DNAI2: variants seen among roughly 807,000 people sequenced by gnomAD.
DNAI2 encodes the protein dynein, axonemal, intermediate polypeptide 2.
In DNAI2, 63 loss-of-function variants were observed where a neutral mutation model predicts 74.7. That is an observed-to-expected ratio of 0.84 (90% CI 0.69 to 1.04). The LOEUF (loss-of-function observed/expected upper bound fraction) is 1.04, where lower values mean the gene tolerates loss of function less well. DNAI2 is among the 50% of genes least tolerant of loss of function. The pLI is 0.00. For synonymous variants in DNAI2, 289 were observed against 314.9 expected, an observed-to-expected ratio of 0.92 and a Z score of 0.87; for missense variants, 688 against 803.2, an observed-to-expected ratio of 0.86 and a Z score of 1.73.
At chr17:74,308,908 A>G (rs1197795912) in intron 9 of DNAI2, among the ~76,000 whole-genome samples, 1 of 151,994 alleles carries the variant, frequency 6.6e-6, no homozygotes, top group African/African-American at 2.4e-5. Flanking sequence ...TAGCAAAAAT[A>G]AAATATTAGC....
chr17:74,283,472 G>A (rs913424950), intron 2 of DNAI2, among the ~76,000 whole-genome samples: 4 of 150,988 alleles, frequency 2.6e-5, no homozygotes, highest in Non-Finnish European at 4.4e-5. Context: ...CCCAGTTGTG[G>A]TGGCTCGCAC....
chr17:74,293,683 G>A (rs950573730), intron 6 of DNAI2, among the ~76,000 whole-genome samples: 6 of 151,574 alleles, frequency 4.0e-5, no homozygotes, highest in African/African-American at 1.5e-4. Flanking sequence ...CAGCCTGGGT[G>A]ACAGAGCGAG....
Position 74,289,623 on chromosome 17 carries a change from C to T in DNAI2, c.497C>T (p.Thr166Ile). The T allele has an allele frequency of 6.2e-7, 1 of 1,614,128 alleles. No individual in the cohort carries two copies. The highest frequency in any genetic ancestry group is 8.5e-7 in the Non-Finnish European group (1 of 1,180,034). ...CCCCAGGAAATCAAGAGGGCTGCCA[C>T]ACACCTCTCCTGGCACCCCGATGGC... ...RDPQEIKRAA[T>I]HLSWHPDGNR... is the part of the protein sequence containing the mutation. Residue 166 changes from threonine to isoleucine, a missense_variant, in exon 5 of 14, where the codon ACA becomes ATA. Transcript: ENST00000311014.
chr17:74,297,476 C>T (rs561631430), intron 6 of DNAI2, among the ~76,000 whole-genome samples: 81 of 151,246 alleles, frequency 5.4e-4, no homozygotes, highest in Non-Finnish European at 1.0e-3. Context: ...CTGCCACCTC[C>T]GCCTCCTGGG....
At chr17:74,297,083 T>C (rs1195069871) in intron 6 of DNAI2, among the ~76,000 whole-genome samples, 3 of 151,990 alleles carry the variant, frequency 2.0e-5, no homozygotes, top group African/African-American at 7.2e-5. Flanking sequence ...GGAAAACTGA[T>C]TTTTGTTTGT....
chr17:74,281,352 G>A (rs2051378498), intron 1 of DNAI2, among the ~76,000 whole-genome samples: 3 of 150,790 alleles, frequency 2.0e-5, no homozygotes, highest in African/African-American at 4.9e-5. Flanking sequence ...TTCTCCTCCC[G>A]AGTTCAAGTG....
intron 8 of DNAI2, among the ~76,000 whole-genome samples, chr17:74,303,758 T>G (rs909720933): frequency 1.3e-5 from 2 of 152,034 alleles, no homozygotes; most frequent in Non-Finnish European, 2.9e-5. Context: ...GATTTTATAT[T>G]TATCATTTTA....
chr17:74,310,037 C>A lies in DNAI2; in HGVS notation c.1368C>A (p.Phe456Leu). The change falls in exon 11 of 14, where the codon TTC becomes TTA. Residue 456 changes from phenylalanine to leucine, a missense_variant. Physicochemically the swap from Phe to Leu is conservative, Grantham distance 22. Coordinates refer to ENST00000311014, the MANE Select transcript of DNAI2 (RefSeq NM_023036.6). ...AATAGGTGTGTGACGAGGCCCTCTT[C>A]TGCCTCCGGGTGCAGGACAATGGGT... is the stretch of plus-strand genomic sequence containing the variant. ...LSLKVCDEAL[F>L]CLRVQDNGCL... The A allele has an allele frequency of 2.5e-6, 4 of 1,613,926 alleles. No individual in the cohort carries two copies. Among genetic ancestry groups the A allele is most frequent in the Non-Finnish European group, 3.4e-6 (4 of 1,180,040 alleles).
intron 12 of DNAI2, among the ~76,000 whole-genome samples, chr17:74,312,789 G>A (rs2053613015): frequency 6.6e-6 from 1 of 152,238 alleles, no homozygotes; most frequent in Non-Finnish European, 1.5e-5. Context: ...TGGAAAATGA[G>A]GAGATGTTGC....
At chr17:74,292,869 G>A (rs374199953) in intron 6 of DNAI2, among the ~76,000 whole-genome samples, 102 of 148,346 alleles carry the variant, frequency 6.9e-4, no homozygotes, top group African/African-American at 2.0e-3. Flanking sequence ...TTGCTCTTTC[G>A]CCCAGGCTGG....
At chr17:74,299,184 A>G (rs2052614551) in intron 6 of DNAI2, among the ~76,000 whole-genome samples, 2 of 152,224 alleles carry the variant, frequency 1.3e-5, no homozygotes, top group Non-Finnish European at 2.9e-5. Flanking sequence ...AGATCACAGT[A>G]AAGGCTAAAG....
intron 9 of DNAI2, among the ~76,000 whole-genome samples, chr17:74,307,634 G>A (rs969040586): frequency 1.3e-5 from 2 of 151,952 alleles, no homozygotes; most frequent in African/African-American, 4.8e-5. Context: ...CTGCACTCCA[G>A]CCTGGGCGAC....
At chr17:74,295,165 T>G (rs1386314298) in intron 6 of DNAI2, among the ~76,000 whole-genome samples, 1 of 145,458 alleles carries the variant, frequency 6.9e-6, no homozygotes, top group African/African-American at 2.5e-5. Flanking sequence ...GAGGCTGAGG[T>G]GGGTGGATTA....
chr17:74,290,683 C>G lies in DNAI2; in HGVS notation c.611-337C>G, dbSNP rs2143949079. ...AGTCCACAGACCTGGTTGGAAGAAACCGGCAGAGAGTTGACTTTGTGTAAA... is the reference window on the plus strand; with the variant it reads ...AGTCCACAGACCTGGTTGGAAGAAAGCGGCAGAGAGTTGACTTTGTGTAAA... On this transcript the variant is annotated intron_variant, in intron 5 of 13. Transcript: ENST00000311014. Among the ~76,000 whole-genome samples the G allele has an allele frequency of 3.4e-5, 5 of 148,186 alleles. 1 individual carries two copies. The South Asian group carries it at 1.0e-3, about 31-fold the overall frequency.
chr17:74,282,089 G>A, intron 2 of DNAI2, 89 bp downstream of exon 2: 2 of 1,502,184 alleles, frequency 1.3e-6, no homozygotes, highest in Non-Finnish European at 1.8e-6. Flanking sequence ...GTGGGTCCTT[G>A]TCCACCTGAA....
At chr17:74,289,962 C>T (rs2051988094) in intron 5 of DNAI2, among the ~76,000 whole-genome samples, 1 of 152,088 alleles carries the variant, frequency 6.6e-6, no homozygotes, top group South Asian at 2.1e-4. Flanking sequence ...CCACCAATTC[C>T]AGATTCTTAG....
intron 6 of DNAI2, among the ~76,000 whole-genome samples, chr17:74,299,357 C>G (rs763426265): frequency 1.3e-5 from 2 of 152,124 alleles, no homozygotes; most frequent in Non-Finnish European, 2.9e-5. Context: ...CATCCTGAGG[C>G]TCATCTTCCA....
At chr17:74,284,044 A>C (rs1009952033) in intron 2 of DNAI2, among the ~76,000 whole-genome samples, 11 of 151,776 alleles carry the variant, frequency 7.2e-5, no homozygotes, top group African/African-American at 2.7e-4. Context: ...AGGCTGAAGC[A>C]GGAGACTCAC....
At chr17:74,281,521 G>A (rs2051384593) in intron 1 of DNAI2, 3 of 577,576 alleles carry the variant, frequency 5.2e-6, no homozygotes, top group African/African-American at 3.7e-5. Context: ...GCCTCCCAAT[G>A]TGCTGGGATT....
Sources: allele counts gnomAD v4.1 joint callset (sites outside exome capture counted in the v4.1 genomes callset), GRCh38; gene constraint gnomAD v4.1.1; transcripts MANE v1.5; gene names NCBI Gene and HGNC (gene_info 2026-07-23, HGNC 2026-07-21).